The following ZNF560 variants were observed in gnomAD, a reference collection of about 807,000 sequenced individuals.
The protein encoded by ZNF560 is zinc finger protein 560.
Under a neutral mutation model 81.8 loss-of-function variants are expected in ZNF560, and 54 were observed. The observed-to-expected ratio is 0.66, with a 90% CI of 0.53 to 0.83. The LOEUF (loss-of-function observed/expected upper bound fraction) is 0.83, where lower values mean the gene tolerates loss of function less well. ZNF560 is among the 40% of genes least tolerant of loss of function. ZNF560 has a pLI of 0.00. For missense variants in ZNF560, 940 were observed against 932.4 expected, an observed-to-expected ratio of 1.01 and a Z score of -0.11; for synonymous variants, 321 against 317.9, an observed-to-expected ratio of 1.01 and a Z score of -0.10.
chr19:9,503,929 G>A, the ZNF560 span, among the ~76,000 whole-genome samples: 6 of 152,224 alleles, frequency 3.9e-5, no homozygotes, highest in African/African-American at 4.8e-5. Flanking sequence ...ATAATTAAAC[G>A]AAGCTAATTA....
chr19:9,454,844 CAA>C, the ZNF560 span, among the ~76,000 whole-genome samples: 4 of 151,814 alleles, frequency 2.6e-5, no homozygotes, highest in African/African-American at 9.7e-5. Context: ...AGGAAGGAGA[CAA>C]AGAAGAGAGG....
At chr19:9,472,051 G>A (rs7253729) in intron 5 of ZNF560, among the ~76,000 whole-genome samples, 22,753 of 151,680 alleles carry the variant, frequency 0.15, 2,560 homozygotes, top group African/African-American at 0.31. Flanking sequence ...CATAGGTTGC[G>A]GTGAGCCAAG....
chr19:9,477,546 G>A (rs1016572719), intron 2 of ZNF560, among the ~76,000 whole-genome samples: 1 of 152,150 alleles, frequency 6.6e-6, no homozygotes, highest in Non-Finnish European at 1.5e-5. Flanking sequence ...GCTTCAACAG[G>A]GTTCCAAGTA....
At chr19:9,484,428 G>A (rs1055406254) in intron 2 of ZNF560, among the ~76,000 whole-genome samples, 2 of 152,078 alleles carry the variant, frequency 1.3e-5, no homozygotes, top group South Asian at 2.1e-4. Flanking sequence ...TGCTCTAAAT[G>A]TGAAGTGCAC....
At chr19:9,483,268 C>A (rs192545374) in intron 2 of ZNF560, among the ~76,000 whole-genome samples, 7,058 of 150,576 alleles carry the variant, frequency 0.047, 560 homozygotes, top group African/African-American at 0.16. Flanking sequence ...AGCACCTCTG[C>A]CCCGCCGCCC....
At position 9,469,697 on chromosome 19, in the gene ZNF560, G is replaced by C; in HGVS notation, c.462C>G (p.Phe154Leu). The change falls in exon 8 of 10, where the codon TTC becomes TTG. Residue 154 changes from phenylalanine to leucine, a missense_variant. Transcript: ENST00000301480. ...CCAGCCAAGAGATCAGACTGGGTTT[G>C]AAGAGCTGGTAACCTGTACACAGGG... Reference protein sequence around the residue: ...KNLSSVGYQLFKPSLISWLEE... With the variant: ...KNLSSVGYQLLKPSLISWLEE... 2 of 1,614,192 alleles carry C rather than the reference G, an allele frequency of 1.2e-6. No homozygotes were observed. The highest frequency in any genetic ancestry group is 1.7e-6 in the Non-Finnish European group (2 of 1,180,038).
rs979882264 is a variant in ZNF560, at chr19:9,468,397, C to T, written c.613-63G>A. On this transcript the variant is annotated intron_variant, in intron 9 of 9. Transcript: ENST00000301480. ...AGCAGACTTATTAATAGATACCACTCTTCTAAGAAACATGATAATTATTAT... is the reference window on the plus strand; with the variant it reads ...AGCAGACTTATTAATAGATACCACTTTTCTAAGAAACATGATAATTATTAT... 4 of 1,215,246 alleles carry T rather than the reference C, an allele frequency of 3.3e-6. No individual in the cohort carries two copies. In the African/African-American group the frequency reaches 6.1e-5, roughly 19 times the overall value. The allele number at this position is 1,215,246 out of a possible 1,614,324, so 75.3% of individuals were successfully genotyped here.
the ZNF560 span, among the ~76,000 whole-genome samples, chr19:9,458,463 A>G: frequency 1.9e-3 from 296 of 152,364 alleles, 1 homozygote; most frequent in Non-Finnish European, 3.0e-3. Context: ...TAATTGAGGC[A>G]TTGACTGCTT....
intron 2 of ZNF560, among the ~76,000 whole-genome samples, chr19:9,496,907 C>G (rs10424664): frequency 0.15 from 23,196 of 151,546 alleles, 2,597 homozygotes; most frequent in African/African-American, 0.31. Flanking sequence ...CTGCACTCCA[C>G]CCTGGCGACA....
At position 9,468,292 on chromosome 19, in the gene ZNF560, A is replaced by G; in HGVS notation, c.655T>C (p.Cys219Arg). 2.5e-6 allele frequency: 4 copies of G among 1,611,862 alleles called. No homozygotes were observed. Among genetic ancestry groups the G allele is most frequent in the Non-Finnish European group, 3.4e-6 (4 of 1,179,244 alleles). Residue 219 changes from cysteine (C) to arginine (R), a missense_variant, in exon 10 of 10, where the codon TGT (cysteine) becomes CGT (arginine). Physicochemically the swap from Cys to Arg is radical, Grantham distance 180 (BLOSUM62 -3). Coordinates refer to ENST00000301480, the MANE Select transcript of ZNF560 (RefSeq NM_152476.3). ...GGATGTTTACAGAAGACATCTTCAC[A>G]TTGCTTACAGTCATAGAGTTCCTCT... ...NGEELYDCKQ[C>R]EDVFCKHPCL...
the ZNF560 span, among the ~76,000 whole-genome samples, chr19:9,447,524 G>A: frequency 6.6e-6 from 1 of 152,038 alleles, no homozygotes; most frequent in Admixed American, 6.6e-5. Flanking sequence ...ATCTTAAGAA[G>A]TAATTAATCA....
chr19:9,491,188 C>T (rs1032194724), intron 2 of ZNF560, among the ~76,000 whole-genome samples: 6 of 152,094 alleles, frequency 3.9e-5, no homozygotes, highest in African/African-American at 1.2e-4. Flanking sequence ...TCACGGCTCA[C>T]CACAACCTCC....
chr19:9,449,130 T>A, the ZNF560 span, among the ~76,000 whole-genome samples: 1,009 of 152,312 alleles, frequency 6.6e-3, 7 homozygotes, highest in African/African-American at 0.023. Flanking sequence ...GACTTCAATT[T>A]GAAACTTCAC....
chr19:9,448,045 C>G, the ZNF560 span, among the ~76,000 whole-genome samples: 1 of 152,164 alleles, frequency 6.6e-6, no homozygotes, highest in Admixed American at 6.5e-5. Flanking sequence ...CCAGAAAAGA[C>G]TGGGGGCCTA....
chr19:9,462,946 G>GA (rs1450822161), downstream of ZNF560, among the ~76,000 whole-genome samples: 2 of 152,008 alleles, frequency 1.3e-5, no homozygotes, highest in Non-Finnish European at 2.9e-5. Flanking sequence ...ATGAAAAGTA[G>GA]AAAAAAACCT....
At chr19:9,458,618 C>T in the ZNF560 span, among the ~76,000 whole-genome samples, 1 of 152,208 alleles carries the variant, frequency 6.6e-6, no homozygotes, top group Non-Finnish European at 1.5e-5. Context: ...GTAGAATGCA[C>T]CCTTTTTACA....
At chr19:9,480,861 A>T (rs2073276639) in intron 2 of ZNF560, among the ~76,000 whole-genome samples, 1 of 152,096 alleles carries the variant, frequency 6.6e-6, no homozygotes, top group African/African-American at 2.4e-5. Context: ...CAAGGTGGGA[A>T]GATTGCTTGA....
At chr19:9,456,099 T>TC in the ZNF560 span, among the ~76,000 whole-genome samples, 1 of 152,184 alleles carries the variant, frequency 6.6e-6, no homozygotes, top group African/African-American at 2.4e-5. Context: ...TGAGCCACAT[T>TC]CCAAACCAGG....
the ZNF560 span, among the ~76,000 whole-genome samples, chr19:9,455,326 T>G: frequency 6.6e-6 from 1 of 152,226 alleles, no homozygotes; most frequent in South Asian, 2.1e-4. Context: ...ACACTCTTAC[T>G]CGAGCCTGTC....
Sources: gnomAD v4.1 joint callset for allele counts (sites outside exome capture counted in the v4.1 genomes callset) on GRCh38, gnomAD v4.1.1 for gene constraint, MANE v1.5 for transcripts, NCBI Gene and HGNC (gene_info 2026-07-23, HGNC 2026-07-21) for gene names.